KDM6A: variants seen among roughly 807,000 people sequenced by gnomAD.
The protein encoded by KDM6A is lysine-specific demethylase 6A.
In KDM6A, 11 loss-of-function variants were observed where a neutral mutation model predicts 117.6. The observed-to-expected ratio is 0.09, with a 90% CI of 0.06 to 0.15. KDM6A has a LOEUF of 0.15. Ranked by LOEUF, KDM6A falls within the 10% of genes least tolerant of loss-of-function variation. The probability of loss-of-function intolerance (pLI) is 1.00; values close to 1 mark genes in which losing one functional copy is unlikely to be tolerated. For missense variants in KDM6A, 799 were observed against 1,077.3 expected, an observed-to-expected ratio of 0.74 and a Z score of 3.62; for synonymous variants, 384 against 396.1, an observed-to-expected ratio of 0.97 and a Z score of 0.36.
At chrX:45,033,607 G>A (rs1218552802) in intron 6 of KDM6A, among the ~76,000 whole-genome samples, 1 of 110,337 alleles carries the variant, frequency 9.1e-6, no homozygotes, top group East Asian at 2.8e-4. Flanking sequence ...AGGTTGGAGT[G>A]GAGTGGCACA....
At chrX:44,899,241 G>T (rs1195039096) in intron 2 of KDM6A, among the ~76,000 whole-genome samples, 1 of 101,360 alleles carries the variant, frequency 9.9e-6, no homozygotes, top group Admixed American at 1.1e-4. Flanking sequence ...GTGTGTGTGT[G>T]TGTGTGTGTG....
intron 4 of KDM6A, among the ~76,000 whole-genome samples, chrX:44,985,956 C>A (rs1250268051): frequency 1.3e-4 from 15 of 111,702 alleles, no homozygotes; most frequent in Non-Finnish European, 2.8e-4. Flanking sequence ...CTCTTTTTCT[C>A]TTGATTGGAA....
chrX:44,997,958 AGTG>A (rs1300946710), intron 4 of KDM6A, among the ~76,000 whole-genome samples: 1 of 112,033 alleles, frequency 8.9e-6, no homozygotes, highest in Non-Finnish European at 1.9e-5. Flanking sequence ...TCCTGACTGA[AGTG>A]GTGGTTATGA....
intron 18 of KDM6A, among the ~76,000 whole-genome samples, chrX:45,073,479 T>G (rs944198242): frequency 4.2e-4 from 47 of 111,998 alleles, no homozygotes; most frequent in Non-Finnish European, 7.7e-4. Flanking sequence ...TGAGCTAGTT[T>G]ACACTCCCAG....
At chrX:44,951,489 T>G (rs1479692932) in intron 2 of KDM6A, among the ~76,000 whole-genome samples, 2 of 111,877 alleles carry the variant, frequency 1.8e-5, no homozygotes, top group Middle Eastern at 4.2e-3. Context: ...GGAACTTAGT[T>G]TTTTTTGGTT....
At chrX:44,902,640 G>A (rs766819981) in intron 2 of KDM6A, among the ~76,000 whole-genome samples, 2 of 111,937 alleles carry the variant, frequency 1.8e-5, no homozygotes, top group Admixed American at 9.4e-5. Context: ...TCCACCTGTC[G>A]GCCTCCCAAA....
chrX:44,953,770 C>G (rs1397353408), intron 2 of KDM6A, among the ~76,000 whole-genome samples: 3 of 111,353 alleles, frequency 2.7e-5, no homozygotes, highest in Non-Finnish European at 3.8e-5. Flanking sequence ...TATATAAGTT[C>G]AGGAGTAGAT....
intron 18 of KDM6A, among the ~76,000 whole-genome samples, chrX:45,073,325 A>G (rs2044952938): frequency 8.9e-6 from 1 of 111,786 alleles, no homozygotes; most frequent in African/African-American, 3.3e-5. Flanking sequence ...TAGTGCCACA[A>G]TAAACATACG....
At chrX:44,889,719 A>G (rs1413996099) in intron 2 of KDM6A, among the ~76,000 whole-genome samples, 2 of 112,226 alleles carry the variant, frequency 1.8e-5, no homozygotes, top group African/African-American at 6.5e-5. Context: ...AATCTAACGT[A>G]AGTTTTTTGG....
chrX:45,040,392 G>A (rs1167401735), intron 8 of KDM6A, among the ~76,000 whole-genome samples: 3 of 90,842 alleles, frequency 3.3e-5, no homozygotes, highest in Non-Finnish European at 4.4e-5. Flanking sequence ...CTGGCCAGGC[G>A]GGGGGCTGAT....
intron 8 of KDM6A, among the ~76,000 whole-genome samples, chrX:45,050,295 G>A (rs1159262794): frequency 1.8e-5 from 2 of 112,510 alleles, no homozygotes; most frequent in Non-Finnish European, 3.8e-5. Flanking sequence ...AACTGAGATC[G>A]TGCCATTGCA....
At chrX:44,979,135 C>T (rs1016095044) in intron 4 of KDM6A, among the ~76,000 whole-genome samples, 8 of 112,010 alleles carry the variant, frequency 7.1e-5, no homozygotes, top group African/African-American at 1.9e-4. Flanking sequence ...TAGGTTTAAC[C>T]GTCAGACTTT....
intron 8 of KDM6A, among the ~76,000 whole-genome samples, chrX:45,042,081 C>T (rs1384352654): frequency 1.8e-5 from 2 of 109,937 alleles, no homozygotes; most frequent in African/African-American, 6.7e-5. Context: ...AAAACCCCCT[C>T]TCCACCAAAA....
At chrX:45,016,509 T>G (rs10854921) in intron 5 of KDM6A, among the ~76,000 whole-genome samples, 12,588 of 109,713 alleles carry the variant, frequency 0.11, 850 homozygotes, top group African/African-American at 0.25. Flanking sequence ...ATTTGTTTAT[T>G]TATTTATTTG....
intron 2 of KDM6A, among the ~76,000 whole-genome samples, chrX:44,960,525 C>T: frequency 9.0e-6 from 1 of 111,654 alleles, no homozygotes; most frequent in East Asian, 2.8e-4. Context: ...AGGATAAATT[C>T]CCCAGGATCT....
rs1311815734 is a variant in KDM6A at position 45,090,935 on chromosome X, C to T, written c.4034+71C>T. The T allele has an allele frequency of 1.0e-5, 11 of 1,082,971 alleles. No individual in the cohort carries two copies. The East Asian group carries it at 1.5e-4, about 15-fold the overall frequency. 89.2% of individuals were successfully genotyped at this position (1,082,971 alleles called of 1,213,427 possible). On this transcript the variant is annotated intron_variant, in intron 27 of 29. Coordinates refer to ENST00000611820, the MANE Select transcript of KDM6A (RefSeq NM_001291415.2). The stretch of plus-strand genomic sequence containing the variant: ...TGTTAACTATTAAGTTTTTTTTCTC[C>T]CTTAGAATTACGTTGACATCAAAGC...
intron 2 of KDM6A, among the ~76,000 whole-genome samples, chrX:44,919,209 A>C (rs1314320373): frequency 9.0e-6 from 1 of 111,619 alleles, no homozygotes; most frequent in Non-Finnish European, 1.9e-5. Flanking sequence ...TAAAGTCCAT[A>C]GTTTATTTAG....
intron 4 of KDM6A, among the ~76,000 whole-genome samples, chrX:44,995,742 A>C (rs752206321): frequency 8.9e-6 from 1 of 111,922 alleles, no homozygotes; most frequent in South Asian, 3.7e-4. Context: ...TGTTGGGATT[A>C]CAGGTGTGAG....
At chrX:45,105,253 A>G (rs1237355026) in intron 27 of KDM6A, among the ~76,000 whole-genome samples, 1 of 112,019 alleles carries the variant, frequency 8.9e-6, no homozygotes, top group Non-Finnish European at 1.9e-5. Flanking sequence ...ACATTAGACA[A>G]ACTTAACTTC....
Sources: allele counts gnomAD v4.1 joint callset (sites outside exome capture counted in the v4.1 genomes callset), GRCh38; gene constraint gnomAD v4.1.1; transcripts MANE v1.5; gene names NCBI Gene and HGNC (gene_info 2026-07-23, HGNC 2026-07-21).